The following NRXN3 variants were observed in gnomAD, a reference collection of about 807,000 sequenced individuals.
The protein encoded by NRXN3 is neurexin 3, also known as neurexin III.
NRXN3 carries 32 observed loss-of-function variants against 137.6 expected under a neutral mutation model. The ratio of observed to expected loss-of-function variants is 0.23; its 90% CI spans 0.18 to 0.31. The LOEUF is 0.31. NRXN3 is among the 10% of genes least tolerant of loss of function. The pLI, the probability that NRXN3 is intolerant of heterozygous loss-of-function variation, is 1.00. For missense variants in NRXN3, 1,574 were observed against 2,062.5 expected (o/e 0.76, Z 4.59); for synonymous variants, 798 against 784.5 (o/e 1.02, Z -0.29).
intron 17 of NRXN3, 123 bp from the exon 18 acceptor site, chr14:79,692,050 A>G (rs1219948577): frequency 1.5e-6 from 1 of 671,440 alleles, no homozygotes; most frequent in African/African-American, 1.9e-5. Flanking sequence ...CTCCACCTCT[A>G]CTAAAGATAA....
At chr14:79,123,933 C>T (rs973603372) in intron 15 of NRXN3, among the ~76,000 whole-genome samples, 13 of 152,194 alleles carry the variant, frequency 8.5e-5, no homozygotes, top group African/African-American at 3.1e-4. Flanking sequence ...TGTTTTTAAC[C>T]ATTTCTAAGT....
intron 19 of NRXN3, among the ~76,000 whole-genome samples, chr14:79,715,480 G>A (rs568771376): frequency 5.3e-5 from 8 of 152,320 alleles, no homozygotes; most frequent in Admixed American, 6.5e-5. Context: ...AAAGCCAGGG[G>A]CCTTTGTAGC....
Position 78,730,778 on chromosome 14 carries a change from G to C in NRXN3, c.2044+15639G>C, listed in dbSNP as rs964962150. ...AAAACCAGGTGGCTAAAATATGGCT[G>C]AGGAATGCAGAAGAGTGCACTGGTA... On this transcript the variant is annotated intron_variant, in intron 8 of 20. Coordinates refer to ENST00000335750, the MANE Select transcript of NRXN3 (RefSeq NM_001330195.2). Among the ~76,000 whole-genome samples the C allele has an allele frequency of 2.6e-5, 4 of 152,230 alleles. No individual in the cohort carries two copies. In the South Asian group the frequency reaches 8.3e-4, roughly 32 times the overall value.
chr14:78,791,606 T>C (rs887346106), intron 8 of NRXN3, among the ~76,000 whole-genome samples: 3 of 152,146 alleles, frequency 2.0e-5, no homozygotes, highest in Non-Finnish European at 4.4e-5. Flanking sequence ...TGGAAATGGC[T>C]ATAGGAGAAA....
At chr14:78,750,252 G>A (rs1567211967) in intron 8 of NRXN3, among the ~76,000 whole-genome samples, 1 of 152,228 alleles carries the variant, frequency 6.6e-6, no homozygotes, top group African/African-American at 2.4e-5. Flanking sequence ...GAAGTTTCTT[G>A]ACACATTTAG....
intron 10 of NRXN3, among the ~76,000 whole-genome samples, chr14:78,839,095 T>C (rs1343260641): frequency 5.3e-5 from 8 of 152,162 alleles, no homozygotes; most frequent in African/African-American, 1.7e-4. Context: ...AATGTACTGG[T>C]GCAAAGTTAA....
intron 6 of NRXN3, among the ~76,000 whole-genome samples, chr14:78,666,959 A>T (rs970730982): frequency 2.0e-5 from 3 of 151,648 alleles, no homozygotes; most frequent in Non-Finnish European, 4.4e-5. Context: ...TTTTCCTATT[A>T]CTCTAAATGT....
chr14:78,934,889 A>G (rs2099331055), intron 10 of NRXN3, among the ~76,000 whole-genome samples: 2 of 152,056 alleles, frequency 1.3e-5, no homozygotes, highest in Non-Finnish European at 2.9e-5. Context: ...GCAGCACACC[A>G]ACATGGCACA....
intron 20 of NRXN3, among the ~76,000 whole-genome samples, chr14:79,851,834 C>A (rs185254781): frequency 7.7e-4 from 117 of 152,238 alleles, no homozygotes; most frequent in African/African-American, 2.7e-3. Flanking sequence ...GCATAGTTTT[C>A]CCCAACGTAC....
chr14:79,667,039 C>A (rs1402118910), intron 17 of NRXN3, among the ~76,000 whole-genome samples: 1 of 151,952 alleles, frequency 6.6e-6, no homozygotes, highest in African/African-American at 2.4e-5. Flanking sequence ...CTCCTCTCTG[C>A]TTCCCTGTGC....
intron 1 of NRXN3, among the ~76,000 whole-genome samples, chr14:78,216,209 A>C (rs1012363807): frequency 6.6e-6 from 1 of 151,644 alleles, no homozygotes; most frequent in African/African-American, 2.4e-5. Flanking sequence ...TTTTCTTCCT[A>C]AAGGTATCAA....
intron 8 of NRXN3, among the ~76,000 whole-genome samples, chr14:78,720,835 T>G (rs2098456420): frequency 2.0e-5 from 3 of 152,230 alleles, no homozygotes; most frequent in Admixed American, 2.0e-4. Flanking sequence ...CAGTGGCTTT[T>G]GGTCCAGAAA....
chr14:78,176,271 C>T (rs1188680777), intron 1 of NRXN3, among the ~76,000 whole-genome samples: 1 of 152,014 alleles, frequency 6.6e-6, no homozygotes, highest in Non-Finnish European at 1.5e-5. Context: ...TGAGATCCCT[C>T]TAATATTAGT....
chr14:79,172,192 G>GAAA (rs5809925), intron 15 of NRXN3, among the ~76,000 whole-genome samples: 1 of 147,838 alleles, frequency 6.8e-6, no homozygotes. Context: ...ACTTGCTAGG[G>GAAA]AAAAAAAAAA....
intron 16 of NRXN3, among the ~76,000 whole-genome samples, chr14:79,470,512 C>T (rs1324768339): frequency 6.6e-6 from 1 of 152,146 alleles, no homozygotes; most frequent in Non-Finnish European, 1.5e-5. Context: ...GCAGAGCCCT[C>T]ATGACCTAAG....
At chr14:78,956,186 T>C (rs2099396506) in intron 10 of NRXN3, among the ~76,000 whole-genome samples, 1 of 152,194 alleles carries the variant, frequency 6.6e-6, no homozygotes, top group Admixed American at 6.5e-5. Context: ...CCAAAAATAT[T>C]TAATCAGCGT....
intron 19 of NRXN3, among the ~76,000 whole-genome samples, chr14:79,794,444 A>G (rs1314157911): frequency 6.6e-6 from 1 of 152,042 alleles, no homozygotes; most frequent in Non-Finnish European, 1.5e-5. Context: ...TTTCCCTTTC[A>G]TGTCATCGTC....
chr14:79,441,898 A>G (rs1284675335), intron 15 of NRXN3, among the ~76,000 whole-genome samples: 2 of 151,726 alleles, frequency 1.3e-5, no homozygotes, highest in Admixed American at 1.3e-4. Context: ...TTCTCCGCCA[A>G]ATTCAGGATA....
chr14:79,822,214 G>A (rs538639584), intron 20 of NRXN3, among the ~76,000 whole-genome samples: 2 of 152,158 alleles, frequency 1.3e-5, no homozygotes, highest in Non-Finnish European at 2.9e-5. Context: ...TGCCCACACA[G>A]AGGACAGATT....
Sources: allele counts gnomAD v4.1 joint callset (sites outside exome capture counted in the v4.1 genomes callset), GRCh38; gene constraint gnomAD v4.1.1; transcripts MANE v1.5; gene names NCBI Gene and HGNC (gene_info 2026-07-23, HGNC 2026-07-21).